Variants in RHOU observed in about 807,000 individuals in gnomAD.
RHOU encodes rho-related GTP-binding protein RhoU.
In RHOU, 8 loss-of-function variants were observed where a neutral mutation model predicts 12.6. The ratio of observed to expected loss-of-function variants is 0.64; its 90% confidence interval spans 0.37 to 1.15. RHOU has a LOEUF of 1.15. RHOU is among the 50% of genes most tolerant of loss of function. The pLI is 0.01. For synonymous variants in RHOU, 161 were observed against 147.4 expected (o/e 1.09, Z -0.67); for missense variants, 258 against 347.0 (o/e 0.74, Z 2.04).
the RHOU span, among the ~76,000 whole-genome samples, chr1:228,684,824 AG>A: frequency 6.6e-6 from 1 of 152,176 alleles, no homozygotes; most frequent in Non-Finnish European, 1.5e-5. Flanking sequence ...GTGCTGTTCC[AG>A]GAAACGGTCC....
At chr1:228,684,222 C>A in the RHOU span, among the ~76,000 whole-genome samples, 36 of 152,008 alleles carry the variant, frequency 2.4e-4, no homozygotes, top group East Asian at 5.3e-3. Flanking sequence ...TTTTTAGTAG[C>A]GATAGGGTTT....
At chr1:228,740,701 C>T (rs937054594) in intron 2 of RHOU, among the ~76,000 whole-genome samples, 2 of 152,228 alleles carry the variant, frequency 1.3e-5, no homozygotes, top group African/African-American at 2.4e-5. Flanking sequence ...AGTGACTCCA[C>T]TGACCTCCAC....
At chr1:228,676,133 C>G in the RHOU span, among the ~76,000 whole-genome samples, 1 of 143,888 alleles carries the variant, frequency 6.9e-6, no homozygotes, top group Non-Finnish European at 1.5e-5. Context: ...CTGTAACCGC[C>G]CCCCCCCTTT....
At chr1:228,666,019 G>A in the RHOU span, among the ~76,000 whole-genome samples, 2 of 151,910 alleles carry the variant, frequency 1.3e-5, no homozygotes, top group East Asian at 1.9e-4. Context: ...GTGCAGTGGT[G>A]TGATCTCGGC....
At position 228,735,905 on chromosome 1, in the gene RHOU, G is replaced by T. The variant is rs1424585587; in HGVS notation, c.163G>T (p.Val55Phe). 1.3e-6 allele frequency: 2 copies of T among 1,561,862 alleles called. No homozygotes were observed. Among genetic ancestry groups the T allele is most frequent in the Non-Finnish European group, 1.7e-6 (2 of 1,159,906 alleles). ...GGGGCGCGGCGTCAAGTGCGTGCTG[G>T]TCGGCGACGGCGCGGTGGGCAAGAC... ...AEGRGVKCVLVGDGAVGKTSL... is the reference protein window; with the variant it reads ...AEGRGVKCVLFGDGAVGKTSL... Residue 55 changes from valine (V) to phenylalanine (F), a missense_variant, in exon 1 of 3, where the codon GTC becomes TTC. Val to Phe is a conservative substitution (Grantham distance 50). Coordinates refer to ENST00000366691, the MANE Select transcript of RHOU (RefSeq NM_021205.6). This position sits in a 1 kb window ranked among gnomAD's most constrained non-coding sequence, Gnocchi z 8.1.
the RHOU span, among the ~76,000 whole-genome samples, chr1:228,717,203 A>G: frequency 1.3e-5 from 2 of 152,212 alleles, no homozygotes; most frequent in Non-Finnish European, 2.9e-5. Flanking sequence ...AGATCTTTCA[A>G]ACTGTCCAAA....
chr1:228,688,335 C>T, the RHOU span, among the ~76,000 whole-genome samples: 1,283 of 152,240 alleles, frequency 8.4e-3, 12 homozygotes, highest in Non-Finnish European at 0.014. Flanking sequence ...ACACAGGTTT[C>T]CCCCGAATCC....
At chr1:228,661,867 G>A in the RHOU span, among the ~76,000 whole-genome samples, 1 of 152,152 alleles carries the variant, frequency 6.6e-6, no homozygotes, top group Non-Finnish European at 1.5e-5. Context: ...CACAGCCAAA[G>A]AAACTACCAT....
rs1479824592 is a variant in RHOU at position 228,735,496 on chromosome 1, C to G, written c.-247C>G. On this transcript the variant is annotated 5_prime_UTR_variant, in exon 1 of 3. Coordinates refer to ENST00000366691, the MANE Select transcript of RHOU (RefSeq NM_021205.6). This position sits in a 1 kb window ranked among gnomAD's most constrained non-coding sequence, Gnocchi z 8.1. The stretch of plus-strand genomic sequence containing the variant: ...GCGGAGACAGAGCGCTTGGGATCCA[C>G]GGCGCTCGGACCGCTGTCCTCCAAC... 4 of 265,278 alleles carry G rather than the reference C, an allele frequency of 1.5e-5. No individual in the cohort carries two copies. Among genetic ancestry groups the G allele is most frequent in the Non-Finnish European group, 2.8e-5 (4 of 142,148 alleles). 16.4% of individuals were successfully genotyped at this position (265,278 alleles called of 1,614,324 possible).
chr1:228,681,015 C>G, the RHOU span, among the ~76,000 whole-genome samples: 1 of 152,208 alleles, frequency 6.6e-6, no homozygotes, highest in South Asian at 2.1e-4. Flanking sequence ...GACTCTTTCC[C>G]ATTCATCTGG....
At chr1:228,692,374 C>A in the RHOU span, among the ~76,000 whole-genome samples, 3 of 152,052 alleles carry the variant, frequency 2.0e-5, no homozygotes, top group Admixed American at 2.0e-4. Flanking sequence ...TAGTTTTCTT[C>A]ATATTATTCT....
chr1:228,684,060 C>T, the RHOU span, among the ~76,000 whole-genome samples: 14 of 152,308 alleles, frequency 9.2e-5, no homozygotes, highest in South Asian at 2.1e-4. Flanking sequence ...CTTTTTGAGA[C>T]GGAGTCTTGC....
chr1:228,678,743 G>A, the RHOU span, among the ~76,000 whole-genome samples: 1 of 152,136 alleles, frequency 6.6e-6, no homozygotes, highest in African/African-American at 2.4e-5. Flanking sequence ...CTGAGAGGTA[G>A]TGGAGGAGGG....
the RHOU span, among the ~76,000 whole-genome samples, chr1:228,712,872 T>TAA: frequency 5.7e-4 from 79 of 138,962 alleles, no homozygotes; most frequent in African/African-American, 2.3e-3. Flanking sequence ...TAAAATAAAA[T>TAA]AAAATACCCA....
the RHOU span, among the ~76,000 whole-genome samples, chr1:228,722,591 C>A: frequency 1.3e-5 from 2 of 151,786 alleles, no homozygotes; most frequent in African/African-American, 4.8e-5. Context: ...ATGATAAGTT[C>A]GGTTTGTCAG....
Position 228,745,047 on chromosome 1 carries a change from GC to G in RHOU, c.*1308del, listed in dbSNP as rs907641383. On this transcript the variant is annotated 3_prime_UTR_variant, in exon 3 of 3. Coordinates refer to ENST00000366691, the MANE Select transcript of RHOU (RefSeq NM_021205.6). ...GTTAAAGCCACAGATGGCTTTCAGG[GC>G]AGTAGCAGCAGAGGCCAGTGGACTC... 1 of 152,164 alleles carries G rather than the reference GC, an allele frequency of 6.6e-6. No individual in the cohort carries two copies. The highest frequency in any genetic ancestry group is 2.4e-5 in the African/African-American group (1 of 41,410). The allele number at this position is 152,164 out of a possible 1,614,324, so 9.4% of individuals were successfully genotyped here. A position where few individuals can be genotyped will look rare whatever the true frequency, so the allele number is the denominator to read the frequency against.
At chr1:228,681,730 C>T in the RHOU span, among the ~76,000 whole-genome samples, 2 of 151,992 alleles carry the variant, frequency 1.3e-5, no homozygotes, top group Non-Finnish European at 2.9e-5. Context: ...GATTTTAGGT[C>T]AGGCAAGAGG....
chr1:228,650,689 C>T, the RHOU span: 11 of 484,780 alleles, frequency 2.3e-5, no homozygotes, highest in South Asian at 1.7e-4. Flanking sequence ...AGAGAGCTCT[C>T]ATCAGCCAGT....
chr1:228,679,415 G>A, the RHOU span, among the ~76,000 whole-genome samples: 1 of 132,316 alleles, frequency 7.6e-6, no homozygotes, highest in Non-Finnish European at 1.6e-5. Context: ...TTTAAGGAAT[G>A]GACAGGGGAG....
Sources: gnomAD v4.1 joint callset for allele counts (sites outside exome capture counted in the v4.1 genomes callset) on GRCh38, gnomAD v4.1.1 for gene constraint, Gnocchi (gnomAD v3.1) non-coding constraint, MANE v1.5 for transcripts, NCBI Gene and HGNC (gene_info 2026-07-23, HGNC 2026-07-21) for gene names.